AGTPBP1: variants seen among roughly 807,000 people sequenced by gnomAD.
The protein encoded by AGTPBP1 is ATP/GTP binding carboxypeptidase 1, also known as cytosolic carboxypeptidase 1.
AGTPBP1 carries 70 observed loss-of-function variants against 143.9 expected under a neutral mutation model. That is an observed-to-expected ratio of 0.49 (90% CI 0.40 to 0.59). The LOEUF (loss-of-function observed/expected upper bound fraction) is 0.59, where lower values mean the gene tolerates loss of function less well. AGTPBP1 is among the 20% of genes least tolerant of loss of function. The probability of loss-of-function intolerance (pLI) is 0.00; values close to 1 mark genes in which losing one functional copy is unlikely to be tolerated. For synonymous variants in AGTPBP1, 463 were observed against 500.2 expected (o/e 0.93, Z 0.99); for missense variants, 1,229 against 1,464.5 (o/e 0.84, Z 2.62).
chr9:85,653,876 T>C (rs1587834359), intron 11 of AGTPBP1, among the ~76,000 whole-genome samples: 1 of 152,306 alleles, frequency 6.6e-6, no homozygotes, highest in African/African-American at 2.4e-5. Flanking sequence ...TCAAATGGAA[T>C]GGGAAAAGGG....
intron 12 of AGTPBP1, among the ~76,000 whole-genome samples, chr9:85,643,536 C>T (rs142031376): frequency 1.5e-3 from 230 of 152,208 alleles, no homozygotes; most frequent in African/African-American, 5.4e-3. Flanking sequence ...ATGATGATCA[C>T]ACAATCTTAG....
intron 17 of AGTPBP1, among the ~76,000 whole-genome samples, chr9:85,603,075 C>T (rs936217367): frequency 6.6e-6 from 1 of 152,182 alleles, no homozygotes; most frequent in Non-Finnish European, 1.5e-5. Context: ...ACTTGAAAGG[C>T]AGTCTAGGTC....
intron 14 of AGTPBP1, among the ~76,000 whole-genome samples, chr9:85,627,007 T>C (rs1027684869): frequency 1.3e-5 from 2 of 152,206 alleles, no homozygotes; most frequent in Non-Finnish European, 2.9e-5. Context: ...CCTAGGTGAA[T>C]GACTACCAAA....
chr9:85,802,702 T>C, the AGTPBP1 span, among the ~76,000 whole-genome samples: 10 of 152,338 alleles, frequency 6.6e-5, no homozygotes, highest in Middle Eastern at 3.4e-3. Flanking sequence ...CTTGCTCACA[T>C]AATTGGGTGT....
At position 85,579,019 on chromosome 9, in the gene AGTPBP1, T is replaced by C. The variant is rs755277625; in HGVS notation, c.3243A>G (p.Lys1081=). The change falls in exon 24 of 26, where the codon AAA becomes AAG. Residue 1081 remains lysine, a synonymous_variant. Transcript: ENST00000357081. ...AAACTACAACACGTGCTGTGGATTC[T>C]TTAGATTTTTCCACTACGAAGCTAC... ...SSCSFVVEKS[K]ESTARVVVWR... 1.9e-6 allele frequency: 3 copies of C among 1,611,824 alleles called. No individual in the cohort carries two copies. The Admixed American group carries it at 5.1e-5, about 27-fold the overall frequency.
At chr9:85,625,212 T>C (rs1831195213) in intron 14 of AGTPBP1, among the ~76,000 whole-genome samples, 1 of 152,252 alleles carries the variant, frequency 6.6e-6, no homozygotes, top group African/African-American at 2.4e-5. Context: ...CACATTAATC[T>C]TGATAGAATC....
intron 15 of AGTPBP1, among the ~76,000 whole-genome samples, chr9:85,619,931 C>T (rs1830816513): frequency 6.6e-6 from 1 of 152,288 alleles, no homozygotes; most frequent in South Asian, 2.1e-4. Flanking sequence ...GTATGCCACA[C>T]TCAGGGTTCC....
Position 85,727,597 on chromosome 9 carries a change from G to A in AGTPBP1, c.-34+14178C>T, listed in dbSNP as rs563162885. ...ATCTAAGCTGAAAGACGAATTCCAG[G>A]AGTACTTTCACAAACACAGCAGACC... On this transcript the variant is annotated intron_variant, in intron 1 of 25. Coordinates refer to ENST00000357081, the MANE Select transcript of AGTPBP1 (RefSeq NM_001330701.2). Among the ~76,000 whole-genome samples, 3 of 152,284 alleles carry A rather than the reference G, an allele frequency of 2.0e-5. No individual in the cohort carries two copies. The South Asian group carries it at 6.2e-4, about 32-fold the overall frequency.
chr9:85,769,130 G>A, the AGTPBP1 span, among the ~76,000 whole-genome samples: 2 of 151,662 alleles, frequency 1.3e-5, no homozygotes, highest in Non-Finnish European at 2.9e-5. Flanking sequence ...AATAACATGG[G>A]TCCTGTAACC....
chr9:85,739,747 C>T (rs1306552809), intron 1 of AGTPBP1, among the ~76,000 whole-genome samples: 2 of 150,344 alleles, frequency 1.3e-5, no homozygotes, highest in Admixed American at 6.6e-5. Flanking sequence ...AGCTTGGTGG[C>T]TCACGCCTGT....
chr9:85,677,680 G>A, intron 5 of AGTPBP1, 98 bp from the exon 6 acceptor site: 1 of 1,073,184 alleles, frequency 9.3e-7, no homozygotes, highest in Non-Finnish European at 1.3e-6. Flanking sequence ...TAGCATTCAA[G>A]AAATGGTTAA....
the AGTPBP1 span, among the ~76,000 whole-genome samples, chr9:85,802,357 G>C: frequency 6.6e-6 from 1 of 151,922 alleles, no homozygotes; most frequent in Admixed American, 6.6e-5. Flanking sequence ...CCTTATACTT[G>C]CCTGGTCAAA....
intron 12 of AGTPBP1, among the ~76,000 whole-genome samples, chr9:85,644,925 A>G (rs1832721929): frequency 6.6e-6 from 1 of 152,166 alleles, no homozygotes; most frequent in Non-Finnish European, 1.5e-5. Context: ...AGTAGGAAAG[A>G]AAAAGAAGAT....
At chr9:85,629,744 T>C (rs913249766) in intron 14 of AGTPBP1, among the ~76,000 whole-genome samples, 3 of 152,182 alleles carry the variant, frequency 2.0e-5, no homozygotes, top group African/African-American at 7.2e-5. Context: ...AGTTTAGCAA[T>C]GGTTATCAAA....
At chr9:85,698,155 C>G (rs1836394162) in intron 2 of AGTPBP1, among the ~76,000 whole-genome samples, 1 of 151,804 alleles carries the variant, frequency 6.6e-6, no homozygotes, top group Non-Finnish European at 1.5e-5. Context: ...CACAAACATA[C>G]AAAACACAGT....
chr9:85,767,588 C>T, the AGTPBP1 span, among the ~76,000 whole-genome samples: 24 of 151,992 alleles, frequency 1.6e-4, no homozygotes, highest in Non-Finnish European at 3.4e-4. Context: ...CCTCGTGATC[C>T]ACCCACCTCG....
chr9:85,609,268 T>C (rs1455634829), intron 17 of AGTPBP1, among the ~76,000 whole-genome samples: 1 of 151,588 alleles, frequency 6.6e-6, no homozygotes, highest in Non-Finnish European at 1.5e-5. Flanking sequence ...CCAATAGCAA[T>C]GTGTATACCA....
intron 1 of AGTPBP1, among the ~76,000 whole-genome samples, chr9:85,718,704 T>C (rs2134576203): frequency 6.6e-6 from 1 of 152,360 alleles, no homozygotes; most frequent in South Asian, 2.1e-4. Context: ...TTGGCTTTTG[T>C]TGCCATTGCT....
At chr9:85,677,695 G>A in intron 5 of AGTPBP1, 113 bp from the exon 6 acceptor site, 1 of 890,120 alleles carries the variant, frequency 1.1e-6, no homozygotes, top group Non-Finnish European at 1.6e-6. Flanking sequence ...GGTTAAAACT[G>A]ATGACCTCTA....
Sources: allele counts gnomAD v4.1 joint callset (sites outside exome capture counted in the v4.1 genomes callset), GRCh38; gene constraint gnomAD v4.1.1; transcripts MANE v1.5; gene names NCBI Gene and HGNC (gene_info 2026-07-23, HGNC 2026-07-21).